PCNT: variants seen among roughly 807,000 people sequenced by gnomAD.
PCNT encodes the protein pericentrin.
In PCNT, 319 loss-of-function variants were observed where a neutral mutation model predicts 380.4. The observed-to-expected ratio is 0.84, with a 90% CI of 0.77 to 0.92. The LOEUF (loss-of-function observed/expected upper bound fraction) is 0.92, where lower values mean the gene tolerates loss of function less well. PCNT is among the 40% of genes least tolerant of loss of function. PCNT has a pLI of 0.00. For missense variants in PCNT, 4,400 were observed against 4,255.3 expected (o/e 1.03, Z -0.95); for synonymous variants, 1,845 against 1,735.2 (o/e 1.06, Z -1.57).
intron 35 of PCNT, among the ~76,000 whole-genome samples, chr21:46,428,818 A>T (rs958464217): frequency 6.6e-6 from 1 of 152,064 alleles, no homozygotes; most frequent in Non-Finnish European, 1.5e-5. Flanking sequence ...GATGTGGGCA[A>T]GAGGGGCCTG....
At chr21:46,390,885 C>G in intron 20 of PCNT, 53 bp downstream of exon 20, 1 of 1,565,234 alleles carries the variant, frequency 6.4e-7, no homozygotes, top group Non-Finnish European at 8.7e-7. Context: ...GGGAGCAGGC[C>G]TGGCCTCACT....
At chr21:46,366,004 G>T (rs1054933078) in intron 14 of PCNT, among the ~76,000 whole-genome samples, 6 of 145,544 alleles carry the variant, frequency 4.1e-5, no homozygotes, top group Non-Finnish European at 9.1e-5. Flanking sequence ...GTGGGGTTCT[G>T]TTCACTGCCG....
chr21:46,377,340 G>A (rs367990111), intron 15 of PCNT, among the ~76,000 whole-genome samples: 27 of 152,330 alleles, frequency 1.8e-4, no homozygotes, highest in South Asian at 1.7e-3. Flanking sequence ...CATGGGCTTC[G>A]TGCTGTCCTT....
At chr21:46,398,887 T>G in intron 24 of PCNT, among the ~76,000 whole-genome samples, 1 of 147,954 alleles carries the variant, frequency 6.8e-6, no homozygotes, top group Non-Finnish European at 1.5e-5. Flanking sequence ...TGGCGCGATC[T>G]CAGCTCACTG....
At position 46,411,279 on chromosome 21, in the gene PCNT, G is replaced by A. The variant is rs2086774869; in HGVS notation, c.5206G>A (p.Ala1736Thr). 2 of 1,614,208 alleles carry A rather than the reference G, an allele frequency of 1.2e-6. No homozygotes were observed. Among genetic ancestry groups the A allele is most frequent in the East Asian group, 2.2e-5 (1 of 44,890 alleles). The stretch of plus-strand genomic sequence containing the variant: ...TCAGAAACGATTACAAAAGGAGAAA[G>A]CAGAGGAAATTGAACAACTCCATGA... ...ENQKRLQKEK[A>T]EEIEQLHEVI... The change falls in exon 28 of 47, where the codon GCA becomes ACA. Residue 1736 changes from alanine (A) to threonine (T), a missense_variant. Ala to Thr is a moderately conservative substitution (Grantham distance 58, BLOSUM62 0). Transcript: ENST00000359568.
intron 37 of PCNT, chr21:46,431,120 G>C (rs1441685906): frequency 1.7e-6 from 2 of 1,185,354 alleles, no homozygotes; most frequent in East Asian, 1.2e-4. Flanking sequence ...TAGCAAGCTG[G>C]GTGTGTATCT....
intron 42 of PCNT, 101 bp downstream of exon 42, chr21:46,440,303 C>A: frequency 7.9e-7 from 1 of 1,272,164 alleles, no homozygotes; most frequent in Non-Finnish European, 1.1e-6. Context: ...TTCTCGTCTG[C>A]CGGGTGTAGC....
chr21:46,406,355 C>G (rs1335997348), intron 27 of PCNT, among the ~76,000 whole-genome samples: 2 of 152,128 alleles, frequency 1.3e-5, no homozygotes, highest in Non-Finnish European at 2.9e-5. Flanking sequence ...GGTCTCACGT[C>G]TTTTGTTAAA....
chr21:46,418,100 A>G lies in PCNT; in HGVS notation c.6922-104A>G, dbSNP rs529498576. On this transcript the variant is annotated intron_variant, in intron 30 of 46. Coordinates refer to ENST00000359568, the MANE Select transcript of PCNT (RefSeq NM_006031.6). Reference sequence around the variant, plus strand: ...TTTTGAGTTGTTTCATCTGGGGTCTATGTGGGAAGATAAATTCAGGCCTTT... The same window carrying G: ...TTTTGAGTTGTTTCATCTGGGGTCTGTGTGGGAAGATAAATTCAGGCCTTT... 82 of 725,102 alleles carry G rather than the reference A, an allele frequency of 1.1e-4. No homozygotes were observed. In the African/African-American group the frequency reaches 1.3e-3, roughly 11 times the overall value. The allele number at this position is 725,102 out of a possible 1,614,324, so 44.9% of individuals were successfully genotyped here.
At chr21:46,370,247 C>T (rs2085071725) in intron 15 of PCNT, among the ~76,000 whole-genome samples, 2 of 151,636 alleles carry the variant, frequency 1.3e-5, no homozygotes, top group South Asian at 4.2e-4. Flanking sequence ...CTTTGGTTGG[C>T]CTCCCCTCCT....
chr21:46,411,112 G>T (rs569220813), intron 27 of PCNT, 77 bp from the exon 28 acceptor site: 2 of 1,394,144 alleles, frequency 1.4e-6, no homozygotes, highest in African/African-American at 2.8e-5. Flanking sequence ...ATGCATTCAG[G>T]ATGTAACGTG....
chr21:46,387,990 C>T (rs2085898826), intron 17 of PCNT, among the ~76,000 whole-genome samples: 1 of 151,990 alleles, frequency 6.6e-6, no homozygotes, highest in South Asian at 2.1e-4. Context: ...GCGGGTGGAT[C>T]ATGAGGTCAG....
Position 46,390,734 on chromosome 21 carries a change from C to T in PCNT, c.3905C>T (p.Thr1302Ile). The T allele has an allele frequency of 1.9e-6, 3 of 1,613,872 alleles. No homozygotes were observed. Among genetic ancestry groups the T allele is most frequent in the South Asian group, 2.2e-5 (2 of 91,062 alleles). Residue 1302 changes from threonine (T) to isoleucine (I), a missense_variant, in exon 20 of 47, where the codon ACA (threonine) becomes ATA (isoleucine). By Grantham distance (89) the Thr-to-Ile change is moderately conservative (BLOSUM62 -1). Transcript: ENST00000359568. ...EKEFSFKNEE[T>I]AQVVRKHQEL... The stretch of plus-strand genomic sequence containing the variant: ...GAATTTAGTTTTAAGAATGAGGAGA[C>T]AGCACAGGTTGTCAGGAAGCACCAG...
intron 15 of PCNT, among the ~76,000 whole-genome samples, chr21:46,374,988 C>T (rs893625185): frequency 1.3e-5 from 2 of 152,186 alleles, no homozygotes; most frequent in Admixed American, 6.5e-5. Context: ...AATATCTTTG[C>T]ACCTGTTGGA....
intron 3 of PCNT, among the ~76,000 whole-genome samples, chr21:46,336,650 A>G (rs1055551535): frequency 6.6e-6 from 1 of 151,964 alleles, no homozygotes. Context: ...TTACTAGATT[A>G]TGGTGTTGAG....
chr21:46,350,632 G>A (rs1455093170), intron 8 of PCNT, among the ~76,000 whole-genome samples: 2 of 152,198 alleles, frequency 1.3e-5, no homozygotes, highest in Admixed American at 1.3e-4. Flanking sequence ...TATGGAAGTA[G>A]TTGGGGTCTA....
intron 13 of PCNT, among the ~76,000 whole-genome samples, chr21:46,357,488 C>G (rs1464158434): frequency 6.6e-6 from 1 of 152,224 alleles, no homozygotes; most frequent in East Asian, 1.9e-4. Flanking sequence ...GTTGCCCAGG[C>G]TGGAGTGCAG....
chr21:46,372,865 T>G (rs1195220364), intron 15 of PCNT, among the ~76,000 whole-genome samples: 1 of 152,214 alleles, frequency 6.6e-6, no homozygotes, highest in African/African-American at 2.4e-5. Flanking sequence ...GGGTCTGTCT[T>G]CTCTGGAAAA....
At chr21:46,431,166 G>T in intron 37 of PCNT, 1 of 1,203,820 alleles carries the variant, frequency 8.3e-7, no homozygotes. Context: ...TGAAGAGGGG[G>T]CAGGAGCCTC....
Sources: allele counts gnomAD v4.1 joint callset (sites outside exome capture counted in the v4.1 genomes callset), GRCh38; gene constraint gnomAD v4.1.1; transcripts MANE v1.5; gene names NCBI Gene and HGNC (gene_info 2026-07-23, HGNC 2026-07-21).